RALYL: variants seen among roughly 807,000 people sequenced by gnomAD.
The protein encoded by RALYL is RNA-binding Raly-like protein.
Under a neutral mutation model 35.1 loss-of-function variants are expected in RALYL, and 29 were observed. That is an observed-to-expected ratio of 0.83 (90% CI 0.61 to 1.13). The LOEUF is 1.13. Among genes scored for constraint, RALYL ranks in the 50% most tolerant of loss-of-function variants. RALYL has a pLI of 0.00. For synonymous variants in RALYL, 120 were observed against 127.6 expected, an observed-to-expected ratio of 0.94 and a Z score of 0.40; for missense variants, 359 against 360.4, an observed-to-expected ratio of 1.00 and a Z score of 0.03.
At chr8:84,423,036 G>A (rs1474453009) in intron 1 of RALYL, among the ~76,000 whole-genome samples, 17 of 150,120 alleles carry the variant, frequency 1.1e-4, no homozygotes, top group Non-Finnish European at 2.5e-4. Context: ...TTGATTTGGG[G>A]TGGACAGTTC....
At chr8:84,555,264 T>C (rs1227491484) in intron 2 of RALYL, among the ~76,000 whole-genome samples, 1 of 151,276 alleles carries the variant, frequency 6.6e-6, no homozygotes, top group East Asian at 1.9e-4. Context: ...GGCAACAGAG[T>C]GAGACTCCAT....
In RALYL at chr8:84,798,817, C is replaced by T. The variant is rs145897830; in HGVS notation, c.333-5953C>T. 3.2e-3 allele frequency among the ~76,000 whole-genome samples: 492 copies of T among 152,120 alleles called. 2 individuals are homozygous for T. Among genetic ancestry groups the T allele is most frequent in the African/African-American group, 0.011 (462 of 41,494 alleles). ...TATTTCTGCAAAAACACACATATGC[C>T]GAAGCACAAGAGAAAAAGCAGGATG... On this transcript the variant is annotated intron_variant, in intron 3 of 8. Transcript: ENST00000521268.
At chr8:84,667,878 T>C (rs1259393630) in intron 2 of RALYL, among the ~76,000 whole-genome samples, 2 of 152,114 alleles carry the variant, frequency 1.3e-5, no homozygotes, top group African/African-American at 4.8e-5. Context: ...CCTGGAGTTA[T>C]ATAACCTAGG....
At chr8:84,475,829 A>G (rs2053336465) in intron 1 of RALYL, among the ~76,000 whole-genome samples, 1 of 152,202 alleles carries the variant, frequency 6.6e-6, no homozygotes, top group African/African-American at 2.4e-5. Flanking sequence ...AGATTGTCGT[A>G]GTCTAGGCTG....
chr8:84,258,243 GGTGA>G (rs1338627697), intron 1 of RALYL, among the ~76,000 whole-genome samples: 1 of 151,996 alleles, frequency 6.6e-6, no homozygotes, highest in East Asian at 1.9e-4. Context: ...AGATAACATG[GGTGA>G]GTTTCTCAGG....
At chr8:84,380,915 C>A (rs577900700) in intron 1 of RALYL, among the ~76,000 whole-genome samples, 2 of 151,696 alleles carry the variant, frequency 1.3e-5, no homozygotes, top group Non-Finnish European at 2.9e-5. Flanking sequence ...TGTCTTCCCC[C>A]ACAGAATCTG....
At position 84,568,186 on chromosome 8, in the gene RALYL, C is replaced by T. The variant is rs2061925533; in HGVS notation, c.256+38609C>T. On this transcript the variant is annotated intron_variant, in intron 2 of 8. Coordinates refer to ENST00000521268, the MANE Select transcript of RALYL (RefSeq NM_173848.7). Reference sequence around the variant, plus strand: ...TTACATTAGGTATATCTCCCTAATGCTATCCCTCCCCCCTCCCCCCACCCC... The same window carrying T: ...TTACATTAGGTATATCTCCCTAATGTTATCCCTCCCCCCTCCCCCCACCCC... 5.3e-5 allele frequency among the ~76,000 whole-genome samples: 5 copies of T among 94,606 alleles called. No individual in the cohort carries two copies. In the South Asian group the frequency reaches 2.3e-3, roughly 43 times the overall value. 62.1% of individuals were successfully genotyped at this position (94,606 alleles called of 152,430 possible).
chr8:84,474,327 C>T (rs2053144888), intron 1 of RALYL, among the ~76,000 whole-genome samples: 1 of 151,900 alleles, frequency 6.6e-6, no homozygotes, highest in Non-Finnish European at 1.5e-5. Context: ...TTGTCATTTA[C>T]CAAAAATATG....
chr8:84,204,416 C>T (rs1400224879), intron 1 of RALYL, among the ~76,000 whole-genome samples: 1 of 152,128 alleles, frequency 6.6e-6, no homozygotes, highest in Non-Finnish European at 1.5e-5. Flanking sequence ...ACAAAGACTA[C>T]ACATATTTTG....
intron 6 of RALYL, among the ~76,000 whole-genome samples, chr8:84,864,167 G>A (rs1474039991): frequency 1.3e-5 from 2 of 151,578 alleles, no homozygotes; most frequent in African/African-American, 4.8e-5. Context: ...AATCACACAT[G>A]AGGTTTAATT....
At chr8:84,445,049 G>A (rs1030810982) in intron 1 of RALYL, among the ~76,000 whole-genome samples, 1 of 151,982 alleles carries the variant, frequency 6.6e-6, no homozygotes, top group Non-Finnish European at 1.5e-5. Flanking sequence ...TACCCAAAAG[G>A]TGGAAATAAA....
At chr8:84,515,048 C>T (rs2057947614) in intron 1 of RALYL, among the ~76,000 whole-genome samples, 2 of 152,150 alleles carry the variant, frequency 1.3e-5, no homozygotes, top group South Asian at 4.1e-4. Context: ...TCTGGTCTCT[C>T]AAGCCTATAA....
chr8:84,729,927 G>T (rs929570324), intron 2 of RALYL, among the ~76,000 whole-genome samples: 1 of 152,040 alleles, frequency 6.6e-6, no homozygotes, highest in African/African-American at 2.4e-5. Context: ...AGGACCAGAT[G>T]GATTCACAGC....
At chr8:84,326,489 G>T (rs1845817408) in intron 1 of RALYL, among the ~76,000 whole-genome samples, 2 of 152,046 alleles carry the variant, frequency 1.3e-5, no homozygotes. Flanking sequence ...CCCTACAATG[G>T]GTAGACAGTT....
At position 84,850,040 on chromosome 8, in the gene RALYL, T is replaced by G; in HGVS notation, c.413+13T>G. On this transcript the variant is annotated intron_variant, in intron 5 of 8. Coordinates refer to ENST00000521268, the MANE Select transcript of RALYL (RefSeq NM_173848.7). ...ATTTCTACAATCGGTATGTGAATTT[T>G]TCATCCTTGTTTTCCTATGACTTAA... is the stretch of plus-strand genomic sequence containing the variant. 7.0e-7 allele frequency: 1 copy of G among 1,422,278 alleles called. No individual in the cohort carries two copies. The highest frequency in any genetic ancestry group is 1.5e-5 in the African/African-American group (1 of 68,820). 88.1% of individuals were successfully genotyped at this position (1,422,278 alleles called of 1,614,324 possible).
intron 2 of RALYL, among the ~76,000 whole-genome samples, chr8:84,710,464 G>A (rs181074696): frequency 3.7e-4 from 56 of 151,910 alleles, no homozygotes; most frequent in Admixed American, 1.6e-3. Flanking sequence ...ACCATGGCTG[G>A]CTCATTTTTG....
At chr8:84,448,265 G>T (rs868302963) in intron 1 of RALYL, among the ~76,000 whole-genome samples, 2 of 151,922 alleles carry the variant, frequency 1.3e-5, no homozygotes, top group African/African-American at 2.4e-5. Flanking sequence ...TTGTGTGGAG[G>T]TGTACAAGCA....
intron 1 of RALYL, among the ~76,000 whole-genome samples, chr8:84,424,097 G>T (rs1217394291): frequency 6.6e-6 from 1 of 151,906 alleles, no homozygotes; most frequent in Non-Finnish European, 1.5e-5. Flanking sequence ...ACATTGGCCT[G>T]CCTTGCTAGA....
chr8:84,369,803 C>T (rs1586658335), intron 1 of RALYL, among the ~76,000 whole-genome samples: 1 of 152,038 alleles, frequency 6.6e-6, no homozygotes. Context: ...AGTATATTAG[C>T]CTATAGCAAA....
Sources: gnomAD v4.1 joint callset for allele counts (sites outside exome capture counted in the v4.1 genomes callset) on GRCh38, gnomAD v4.1.1 for gene constraint, MANE v1.5 for transcripts, NCBI Gene and HGNC (gene_info 2026-07-23, HGNC 2026-07-21) for gene names.